The following SAMD5 variants were observed in gnomAD, a reference collection of about 807,000 sequenced individuals.
The protein encoded by SAMD5 is sterile alpha motif domain containing 5.
A neutral mutation model predicts 11.3 loss-of-function variants in SAMD5; 13 were observed. That is an observed-to-expected ratio of 1.15 (90% CI 0.75 to 1.83). SAMD5 has a LOEUF of 1.83. SAMD5 is among the 40% of genes most tolerant of loss of function. The probability of loss-of-function intolerance (pLI) is 0.00; values close to 1 mark genes in which losing one functional copy is unlikely to be tolerated. For synonymous variants in SAMD5, 129 were observed against 111.3 expected, an observed-to-expected ratio of 1.16 and a Z score of -1.00; for missense variants, 255 against 239.1, an observed-to-expected ratio of 1.07 and a Z score of -0.44.
At chr6:147,763,638 TGGCGCGATTTTGGCTCACTGCAA>T in the SAMD5 span, among the ~76,000 whole-genome samples, 2 of 152,032 alleles carry the variant, frequency 1.3e-5, no homozygotes, top group Non-Finnish European at 2.9e-5. Context: ...TGGAGTGCAG[TGGCGCGATTTTGGCTCACTGCAA>T]GCTCTGCCTC....
At chr6:147,791,314 G>A in the SAMD5 span, among the ~76,000 whole-genome samples, 2 of 151,370 alleles carry the variant, frequency 1.3e-5, no homozygotes, top group African/African-American at 4.9e-5. Context: ...ATAAATAAAT[G>A]AAAGATAAAG....
chr6:147,765,530 G>A, the SAMD5 span, among the ~76,000 whole-genome samples: 1 of 152,212 alleles, frequency 6.6e-6, no homozygotes, highest in Non-Finnish European at 1.5e-5. Flanking sequence ...AAAGGCAACA[G>A]TGGAAAAATC....
chr6:147,909,377 G>A, the SAMD5 span, among the ~76,000 whole-genome samples: 3 of 152,118 alleles, frequency 2.0e-5, no homozygotes, highest in African/African-American at 7.2e-5. Context: ...TATTTGTATG[G>A]TATTACACAC....
At chr6:147,659,526 A>G (rs1790618054) in intron 1 of SAMD5, among the ~76,000 whole-genome samples, 1 of 152,180 alleles carries the variant, frequency 6.6e-6, no homozygotes, top group South Asian at 2.1e-4. Flanking sequence ...GATGGTTTGG[A>G]TGATGGAGAG....
chr6:147,762,950 G>A, the SAMD5 span, among the ~76,000 whole-genome samples: 1 of 152,008 alleles, frequency 6.6e-6, no homozygotes, highest in South Asian at 2.1e-4. Context: ...AATAACTTTT[G>A]TACAATACAG....
At chr6:147,715,888 T>C (rs1021350901) in intron 1 of SAMD5, among the ~76,000 whole-genome samples, 1 of 151,986 alleles carries the variant, frequency 6.6e-6, no homozygotes, top group African/African-American at 2.4e-5. Context: ...TCTCCTGGAG[T>C]CTGGCTGAGT....
chr6:147,735,817 C>T (rs1466851401), intron 1 of SAMD5, among the ~76,000 whole-genome samples: 1 of 151,970 alleles, frequency 6.6e-6, no homozygotes, highest in Non-Finnish European at 1.5e-5. Flanking sequence ...TTGAAACTTC[C>T]TTATTTGTTT....
intron 1 of SAMD5, among the ~76,000 whole-genome samples, chr6:147,699,393 C>G (rs1046101716): frequency 3.3e-5 from 5 of 152,172 alleles, no homozygotes; most frequent in African/African-American, 1.2e-4. Flanking sequence ...CTTGCCCCAC[C>G]TACTTGTACT....
chr6:147,725,732 C>T (rs1226169546), intron 1 of SAMD5, among the ~76,000 whole-genome samples: 3 of 152,038 alleles, frequency 2.0e-5, no homozygotes, highest in Non-Finnish European at 4.4e-5. Context: ...ATTGAAGTGG[C>T]TGTTGTCTCA....
At chr6:147,633,330 T>G (rs1790179510) in intron 1 of SAMD5, among the ~76,000 whole-genome samples, 1 of 152,142 alleles carries the variant, frequency 6.6e-6, no homozygotes, top group Non-Finnish European at 1.5e-5. Flanking sequence ...CTGCCATGTC[T>G]TCTGTTTGTG....
chr6:147,933,045 T>G, the SAMD5 span, among the ~76,000 whole-genome samples: 5 of 152,192 alleles, frequency 3.3e-5, no homozygotes, highest in Non-Finnish European at 5.9e-5. Context: ...CTTAGGATCT[T>G]TGACCAAGAG....
chr6:147,540,160 C>T (rs757977991), intron 1 of SAMD5, among the ~76,000 whole-genome samples: 10 of 151,412 alleles, frequency 6.6e-5, no homozygotes, highest in African/African-American at 1.7e-4. Context: ...TTTAAGACTG[C>T]GAATCAGAAG....
the SAMD5 span, among the ~76,000 whole-genome samples, chr6:147,844,937 A>G: frequency 1.3e-5 from 2 of 152,138 alleles, no homozygotes; most frequent in South Asian, 2.1e-4. Flanking sequence ...CAGGGTGACT[A>G]TACTTAATAA....
At chr6:147,584,381 A>T (rs1365506502) in intron 1 of SAMD5, among the ~76,000 whole-genome samples, 1 of 152,162 alleles carries the variant, frequency 6.6e-6, no homozygotes, top group East Asian at 1.9e-4. Flanking sequence ...TTGTGATTTG[A>T]TCTACTGCTT....
At chr6:147,713,137 G>A (rs1791422537) in intron 1 of SAMD5, among the ~76,000 whole-genome samples, 1 of 152,200 alleles carries the variant, frequency 6.6e-6, no homozygotes, top group Admixed American at 6.5e-5. Context: ...AGCAATACCT[G>A]TTTGTTGACT....
At chr6:147,644,488 A>C (rs1473099872) in intron 1 of SAMD5, among the ~76,000 whole-genome samples, 2 of 152,176 alleles carry the variant, frequency 1.3e-5, no homozygotes, top group African/African-American at 4.8e-5. Context: ...TGTGCTTTTT[A>C]ATTTGTAAAG....
chr6:147,866,662 C>T, the SAMD5 span, among the ~76,000 whole-genome samples: 2 of 152,134 alleles, frequency 1.3e-5, no homozygotes, highest in Admixed American at 6.5e-5. Flanking sequence ...ATACTTAGCT[C>T]TCTCTTTTAC....
intron 1 of SAMD5, among the ~76,000 whole-genome samples, chr6:147,657,712 C>T (rs771857509): frequency 1.5e-4 from 23 of 152,152 alleles, no homozygotes; most frequent in Admixed American, 2.6e-4. Context: ...GGTTCATAGA[C>T]GGTGCCTTCT....
intron 1 of SAMD5, among the ~76,000 whole-genome samples, chr6:147,617,537 C>T (rs6937385): frequency 0.18 from 27,077 of 152,198 alleles, 4,929 homozygotes; most frequent in African/African-American, 0.47. Context: ...AATTGCTCCA[C>T]AGTGCTTTAA....
Sources: allele counts gnomAD v4.1 joint callset (sites outside exome capture counted in the v4.1 genomes callset), GRCh38; gene constraint gnomAD v4.1.1; transcripts MANE v1.5; gene names NCBI Gene and HGNC (gene_info 2026-07-23, HGNC 2026-07-21).